Variants in ATP8A1 observed in about 807,000 individuals in gnomAD.
The protein encoded by ATP8A1 is ATPase phospholipid transporting 8A1.
In ATP8A1, 90 loss-of-function variants were observed where a neutral mutation model predicts 177.7. That is an observed-to-expected ratio of 0.51 (90% CI 0.43 to 0.60). The LOEUF is 0.60. Among genes scored for constraint, ATP8A1 ranks in the 20% least tolerant of loss-of-function variants. ATP8A1 has a pLI of 0.00. For missense variants in ATP8A1, 1,072 were observed against 1,392.8 expected, an observed-to-expected ratio of 0.77 and a Z score of 3.67; for synonymous variants, 493 against 485.9, an observed-to-expected ratio of 1.01 and a Z score of -0.19.
intron 34 of ATP8A1, 112 bp from the exon 35 acceptor site, chr4:42,423,011 G>C: frequency 1.6e-6 from 1 of 614,978 alleles, no homozygotes; most frequent in Non-Finnish European, 2.7e-6. Flanking sequence ...GGTAACAAGA[G>C]TACAAGCAGT....
chr4:42,457,131 C>T (rs1718570217), intron 27 of ATP8A1, among the ~76,000 whole-genome samples: 1 of 152,184 alleles, frequency 6.6e-6, no homozygotes, highest in Non-Finnish European at 1.5e-5. Flanking sequence ...TTCTTACTTG[C>T]TTTGCTACAC....
intron 22 of ATP8A1, among the ~76,000 whole-genome samples, chr4:42,507,780 TAAAAAAAAAAAAAAAAAA>T: frequency 7.9e-4 from 14 of 17,700 alleles, no homozygotes; most frequent in Non-Finnish European, 5.0e-4. Context: ...ACAGGCATTC[TAAAAAAAAAAAAAAAAAA>T]AAAAAAAAAA....
intron 11 of ATP8A1, among the ~76,000 whole-genome samples, chr4:42,579,378 A>C (rs546527472): frequency 1.4e-5 from 2 of 147,920 alleles, no homozygotes; most frequent in South Asian, 4.2e-4. Flanking sequence ...AAATATATTT[A>C]AATATTTATA....
intron 17 of ATP8A1, 124 bp downstream of exon 17, chr4:42,552,381 A>T: frequency 1.4e-6 from 1 of 721,132 alleles, no homozygotes; most frequent in South Asian, 1.8e-5. Flanking sequence ...AGGTTTTTCT[A>T]ATTGGTAAAT....
At chr4:42,553,307 A>G (rs929831101) in intron 16 of ATP8A1, among the ~76,000 whole-genome samples, 1 of 152,174 alleles carries the variant, frequency 6.6e-6, no homozygotes, top group Non-Finnish European at 1.5e-5. Context: ...TAGGCATGCA[A>G]TCTTACTGCA....
intron 24 of ATP8A1, among the ~76,000 whole-genome samples, chr4:42,490,771 T>A (rs536896788): frequency 6.6e-6 from 1 of 152,192 alleles, no homozygotes; most frequent in Non-Finnish European, 1.5e-5. Flanking sequence ...CCAAGACACA[T>A]TCCCTTGACC....
intron 20 of ATP8A1, among the ~76,000 whole-genome samples, chr4:42,527,556 T>A (rs888714217): frequency 6.6e-6 from 1 of 152,078 alleles, no homozygotes; most frequent in Non-Finnish European, 1.5e-5. Flanking sequence ...CCTGAAGCAG[T>A]TGCCAGGCAA....
At chr4:42,645,213 A>G (rs554059691) in intron 1 of ATP8A1, among the ~76,000 whole-genome samples, 49 of 152,368 alleles carry the variant, frequency 3.2e-4, no homozygotes, top group African/African-American at 1.2e-3. Flanking sequence ...AATAGTATTA[A>G]TGTATGACCT....
At chr4:42,475,198 A>G (rs1288044567) in intron 25 of ATP8A1, among the ~76,000 whole-genome samples, 2 of 152,072 alleles carry the variant, frequency 1.3e-5, no homozygotes, top group East Asian at 1.9e-4. Context: ...ACAAGGTCTC[A>G]CTCTGTCGCC....
At chr4:42,483,390 A>AC (rs1361606281) in intron 25 of ATP8A1, among the ~76,000 whole-genome samples, 9 of 151,000 alleles carry the variant, frequency 6.0e-5, no homozygotes, top group Admixed American at 3.3e-4. Context: ...AAAAAAAAAA[A>AC]AAACCTTAAA....
At chr4:42,600,594 TA>T (rs1735150929) in intron 5 of ATP8A1, 76 bp from the exon 6 acceptor site, 1 of 1,335,420 alleles carries the variant, frequency 7.5e-7, no homozygotes, top group Non-Finnish European at 1.0e-6. Context: ...ATAATAATTT[TA>T]AACGAATAGC....
At chr4:42,457,219 G>A (rs1473288264) in intron 27 of ATP8A1, among the ~76,000 whole-genome samples, 1 of 152,128 alleles carries the variant, frequency 6.6e-6, no homozygotes, top group Non-Finnish European at 1.5e-5. Context: ...TAAAAGAACT[G>A]AGCATCTTCA....
chr4:42,474,204 G>A (rs901944572), intron 25 of ATP8A1, among the ~76,000 whole-genome samples: 1 of 152,164 alleles, frequency 6.6e-6, no homozygotes, highest in Non-Finnish European at 1.5e-5. Flanking sequence ...GAAACCTTTG[G>A]GGCGACAGGA....
intron 1 of ATP8A1, among the ~76,000 whole-genome samples, chr4:42,628,360 G>T (rs989489574): frequency 6.6e-6 from 1 of 152,140 alleles, no homozygotes; most frequent in Non-Finnish European, 1.5e-5. Flanking sequence ...TGTGAGAAAC[G>T]GTGTCATGTG....
At chr4:42,547,172 C>T (rs570763518) in intron 19 of ATP8A1, among the ~76,000 whole-genome samples, 3 of 152,312 alleles carry the variant, frequency 2.0e-5, no homozygotes, top group Admixed American at 6.5e-5. Context: ...ACCTCCACAT[C>T]TATTCCTATT....
intron 1 of ATP8A1, among the ~76,000 whole-genome samples, chr4:42,640,726 T>C (rs1215108486): frequency 6.6e-6 from 1 of 152,154 alleles, no homozygotes; most frequent in Non-Finnish European, 1.5e-5. Flanking sequence ...TGAGCCCTTC[T>C]GAAAGAGCCT....
At chr4:42,522,087 T>C in intron 22 of ATP8A1, 73 bp downstream of exon 22, 1 of 1,506,994 alleles carries the variant, frequency 6.6e-7, no homozygotes, top group South Asian at 1.3e-5. Context: ...TTTATTCCAT[T>C]GGTTCCTTGA....
chr4:42,471,874 G>T, intron 25 of ATP8A1: 1 of 618,710 alleles, frequency 1.6e-6, no homozygotes, highest in South Asian at 1.4e-5. Context: ...TTAAGAGTCC[G>T]GCATCTTTCA....
intron 22 of ATP8A1, among the ~76,000 whole-genome samples, chr4:42,512,180 C>T (rs980248721): frequency 6.6e-5 from 10 of 152,014 alleles, no homozygotes; most frequent in Admixed American, 2.6e-4. Flanking sequence ...AAGCTATGAC[C>T]GTAAGGACAA....
Sources: gnomAD v4.1 joint callset for allele counts (sites outside exome capture counted in the v4.1 genomes callset) on GRCh38, gnomAD v4.1.1 for gene constraint, MANE v1.5 for transcripts, NCBI Gene and HGNC (gene_info 2026-07-23, HGNC 2026-07-21) for gene names.